WSCD2: variants seen among roughly 807,000 people sequenced by gnomAD.
The protein encoded by WSCD2 is WSC domain sialate O sulfotransferase 2.
In WSCD2, 28 loss-of-function variants were observed where a neutral mutation model predicts 55.7. The observed-to-expected ratio is 0.50, with a 90% confidence interval of 0.37 to 0.69. The LOEUF (loss-of-function observed/expected upper bound fraction) is 0.69. Among genes scored for constraint, WSCD2 ranks in the 30% least tolerant of loss-of-function variants. WSCD2 has a pLI of 0.00. For synonymous variants in WSCD2, 301 were observed against 301.9 expected, an observed-to-expected ratio of 1.00 and a Z score of 0.03; for missense variants, 616 against 762.1, an observed-to-expected ratio of 0.81 and a Z score of 2.26.
At chr12:108,160,581 C>T (rs1878959976) in intron 1 of WSCD2, among the ~76,000 whole-genome samples, 1 of 152,170 alleles carries the variant, frequency 6.6e-6, no homozygotes, top group African/African-American at 2.4e-5. Flanking sequence ...TGAGAACTCA[C>T]TCACTATCAC....
intron 1 of WSCD2, among the ~76,000 whole-genome samples, chr12:108,140,144 TG>T (rs1168693329): frequency 6.6e-6 from 1 of 152,178 alleles, no homozygotes; most frequent in Non-Finnish European, 1.5e-5. Flanking sequence ...TCAGCCTGCC[TG>T]GGTTTCAATC....
At chr12:108,228,013 C>A (rs1321192914) in intron 6 of WSCD2, among the ~76,000 whole-genome samples, 1 of 150,676 alleles carries the variant, frequency 6.6e-6, no homozygotes, top group Non-Finnish European at 1.5e-5. Flanking sequence ...CCCCTCAACT[C>A]TCTATGAGTT....
At chr12:108,204,794 C>T (rs1312052606) in intron 2 of WSCD2, among the ~76,000 whole-genome samples, 36 of 152,236 alleles carry the variant, frequency 2.4e-4, no homozygotes, top group Admixed American at 2.4e-3. Context: ...CTTAGCAGAG[C>T]CGTGTTCAGG....
chr12:108,141,387 C>G (rs1876791826), intron 1 of WSCD2, among the ~76,000 whole-genome samples: 1 of 152,200 alleles, frequency 6.6e-6, no homozygotes, highest in Non-Finnish European at 1.5e-5. Context: ...AGATGGCCAC[C>G]ACCATCCCCG....
At chr12:108,237,782 G>C (rs1889386192) in intron 7 of WSCD2, among the ~76,000 whole-genome samples, 1 of 152,168 alleles carries the variant, frequency 6.6e-6, no homozygotes, top group Non-Finnish European at 1.5e-5. Flanking sequence ...AATCTTTATA[G>C]CTTTTCTAGG....
intron 7 of WSCD2, among the ~76,000 whole-genome samples, chr12:108,233,798 A>C (rs1889020506): frequency 6.6e-6 from 1 of 152,276 alleles, no homozygotes; most frequent in African/African-American, 2.4e-5. Context: ...CCCCTTGGGC[A>C]TGAAGCCCTC....
chr12:108,240,513 C>G lies in WSCD2; in HGVS notation c.1314C>G (p.Gly438=). The change falls in exon 8 of 9, where the codon GGC becomes GGG. Residue 438 remains glycine (G), a synonymous_variant. Coordinates refer to ENST00000547525, the MANE Select transcript of WSCD2 (RefSeq NM_014653.4). ...EFNRKYGGHI[G]FAAHAHWKGK... is the part of the protein sequence containing the mutation. ...ACCGCAAGTACGGCGGCCACATAGG[C>G]TTTGCTGCGCATGCCCACTGGAAGG... is the stretch of plus-strand genomic sequence containing the variant. 7.2e-7 allele frequency: 1 copy of G among 1,385,876 alleles called. No homozygotes were observed. Among genetic ancestry groups the G allele is most frequent in the Non-Finnish European group, 9.6e-7 (1 of 1,038,600 alleles). The allele number at this position is 1,385,876 out of a possible 1,614,324, so 85.8% of individuals were successfully genotyped here. A position where few individuals can be genotyped will look rare whatever the true frequency, so the allele number is the denominator to read the frequency against.
chr12:108,136,562 A>T (rs1266486632), intron 1 of WSCD2, among the ~76,000 whole-genome samples: 2 of 152,114 alleles, frequency 1.3e-5, no homozygotes, highest in African/African-American at 4.8e-5. Flanking sequence ...ATCAGACTTC[A>T]CTTCCATTCT....
rs534373327 is a variant in WSCD2 at position 108,211,803 on chromosome 12, G to A, written c.682+1498G>A. On this transcript the variant is annotated intron_variant, in intron 4 of 8. Coordinates refer to ENST00000547525, the MANE Select transcript of WSCD2 (RefSeq NM_014653.4). Reference sequence around the variant, plus strand: ...CAAGTAGCTGGGATTAGAGTTTCCCGCCACCATGCCTGGCTAATTTTTTTT... The same window carrying A: ...CAAGTAGCTGGGATTAGAGTTTCCCACCACCATGCCTGGCTAATTTTTTTT... Among the ~76,000 whole-genome samples the A allele has an allele frequency of 5.8e-3, 839 of 145,074 alleles. 5 individuals carry two copies. The highest frequency in any genetic ancestry group is 0.02 in the African/African-American group (783 of 39,176).
At chr12:108,140,553 A>G (rs1876686570) in intron 1 of WSCD2, among the ~76,000 whole-genome samples, 1 of 152,080 alleles carries the variant, frequency 6.6e-6, no homozygotes, top group African/African-American at 2.4e-5. Flanking sequence ...TGAGAGGTAA[A>G]CCTGTGTGTC....
chr12:108,163,734 C>T (rs1592913424), intron 1 of WSCD2, among the ~76,000 whole-genome samples: 1 of 152,262 alleles, frequency 6.6e-6, no homozygotes, highest in Non-Finnish European at 1.5e-5. Context: ...ATGCAGGCAG[C>T]TTCTAGAAGC....
intron 2 of WSCD2, among the ~76,000 whole-genome samples, chr12:108,198,467 T>C (rs1490360998): frequency 6.6e-6 from 1 of 152,170 alleles, no homozygotes. Context: ...CTTATATGAA[T>C]GGCAATTGTG....
At chr12:108,187,210 C>T (rs1359037296) in intron 1 of WSCD2, among the ~76,000 whole-genome samples, 1 of 152,128 alleles carries the variant, frequency 6.6e-6, no homozygotes, top group Non-Finnish European at 1.5e-5. Flanking sequence ...AAACACAGCC[C>T]CTAGGGTCTG....
At chr12:108,156,157 T>C (rs1481014870) in intron 1 of WSCD2, among the ~76,000 whole-genome samples, 1 of 152,202 alleles carries the variant, frequency 6.6e-6, no homozygotes, top group Non-Finnish European at 1.5e-5. Context: ...TGTCAGATGG[T>C]GAGAAGATGA....
At chr12:108,175,379 G>C (rs1245183491) in intron 1 of WSCD2, among the ~76,000 whole-genome samples, 1 of 152,198 alleles carries the variant, frequency 6.6e-6, no homozygotes, top group South Asian at 2.1e-4. Context: ...AAGAGAGGAA[G>C]CATGTGCCCG....
intron 1 of WSCD2, among the ~76,000 whole-genome samples, chr12:108,177,507 T>G (rs1881044129): frequency 6.6e-6 from 1 of 152,214 alleles, no homozygotes; most frequent in Non-Finnish European, 1.5e-5. Context: ...TCTGGGCCTC[T>G]GATTCTACAC....
intron 4 of WSCD2, among the ~76,000 whole-genome samples, chr12:108,220,615 G>A (rs1289134860): frequency 1.3e-5 from 2 of 152,130 alleles, no homozygotes; most frequent in African/African-American, 2.4e-5. Flanking sequence ...TTGCAGCCTC[G>A]ACTGCCTGGG....
chr12:108,190,132 C>T (rs769316902), intron 1 of WSCD2, among the ~76,000 whole-genome samples: 3 of 152,100 alleles, frequency 2.0e-5, no homozygotes, highest in Non-Finnish European at 4.4e-5. Flanking sequence ...TAATGACCAC[C>T]TCAAAGAATG....
intron 1 of WSCD2, among the ~76,000 whole-genome samples, chr12:108,186,948 T>C (rs1306462223): frequency 6.6e-6 from 1 of 152,198 alleles, no homozygotes; most frequent in Non-Finnish European, 1.5e-5. Flanking sequence ...CTCTTCTTTG[T>C]CTCGGTTCAG....
Sources: gnomAD v4.1 joint callset for allele counts (sites outside exome capture counted in the v4.1 genomes callset) on GRCh38, gnomAD v4.1.1 for gene constraint, MANE v1.5 for transcripts, NCBI Gene and HGNC (gene_info 2026-07-23, HGNC 2026-07-21) for gene names.